FOXK2: variants seen among roughly 807,000 people sequenced by gnomAD.
FOXK2 encodes the protein forkhead box protein K2.
A neutral mutation model predicts 53.3 loss-of-function variants in FOXK2; 24 were observed. The ratio of observed to expected loss-of-function variants is 0.45; its 90% confidence interval spans 0.33 to 0.63. FOXK2 has a LOEUF of 0.63. FOXK2 is among the 30% of genes least tolerant of loss of function. FOXK2 has a pLI of 0.03. For missense variants in FOXK2, 952 were observed against 910.5 expected (o/e 1.05, Z -0.59); for synonymous variants, 505 against 407.1 (o/e 1.24, Z -2.89).
intron 1 of FOXK2, among the ~76,000 whole-genome samples, chr17:82,538,004 G>A (rs147314173): frequency 0.044 from 6,650 of 151,958 alleles, 210 homozygotes; most frequent in South Asian, 0.093. Context: ...CAGGTGGATT[G>A]CTTGAGGTCA....
Position 82,601,774 on chromosome 17 carries a change from A to G in FOXK2, c.*275A>G. On this transcript the variant is annotated 3_prime_UTR_variant, in exon 9 of 9. Coordinates refer to ENST00000335255, the MANE Select transcript of FOXK2 (RefSeq NM_004514.4). The stretch of plus-strand genomic sequence containing the variant: ...ACGAGTGAAACTCTGTCCTCCCGCG[A>G]GGACCAGGCATCGCTGTGTGAGGAC... The G allele has an allele frequency of 2.8e-6, 1 of 353,516 alleles. No homozygotes were observed. Among genetic ancestry groups the G allele is most frequent in the East Asian group, 4.5e-5 (1 of 22,218 alleles). The allele number at this position is 353,516 out of a possible 1,614,324, so 21.9% of individuals were successfully genotyped here. A position where few individuals can be genotyped will look rare whatever the true frequency, so the allele number is the denominator to read the frequency against.
In FOXK2 at chr17:82,586,944, T is replaced by G. The variant is rs561978611; in HGVS notation, c.1577-119T>G. 7.0e-4 allele frequency: 641 copies of G among 914,586 alleles called. 1 individual carries two copies. Among genetic ancestry groups the G allele is most frequent in the Non-Finnish European group, 9.9e-4 (577 of 585,518 alleles). The allele number at this position is 914,586 out of a possible 1,614,324, so 56.7% of individuals were successfully genotyped here. A position where few individuals can be genotyped will look rare whatever the true frequency, so the allele number is the denominator to read the frequency against. ...TGCTCATCTTTTTCTAATTTGCTGT[T>G]TGTTTTAGAGACATTTTCTAGCAGG... On this transcript the variant is annotated intron_variant, in intron 7 of 8. Transcript: ENST00000335255.
chr17:82,581,600 C>T (rs545341025), intron 4 of FOXK2, among the ~76,000 whole-genome samples: 2 of 152,036 alleles, frequency 1.3e-5, no homozygotes, highest in Non-Finnish European at 2.9e-5. Context: ...CTCAGCCTCC[C>T]GAGCAACTGG....
At chr17:82,596,516 C>T (rs1178725049) in intron 8 of FOXK2, among the ~76,000 whole-genome samples, 1 of 152,282 alleles carries the variant, frequency 6.6e-6, no homozygotes, top group Non-Finnish European at 1.5e-5. Context: ...GGACCGCGCA[C>T]ACGTGGGGAC....
chr17:82,522,456 C>T (rs1278822210), intron 1 of FOXK2, among the ~76,000 whole-genome samples: 4 of 151,428 alleles, frequency 2.6e-5, no homozygotes, highest in Non-Finnish European at 5.9e-5. Flanking sequence ...GCAAGCTATG[C>T]CTCCCGGGTT....
At chr17:82,592,371 G>A in intron 8 of FOXK2, among the ~76,000 whole-genome samples, 1 of 152,254 alleles carries the variant, frequency 6.6e-6, no homozygotes, top group East Asian at 1.9e-4. Context: ...GCTCACATGT[G>A]TGTCCTCTTG....
At chr17:82,585,813 T>A in intron 6 of FOXK2, 91 bp from the exon 7 acceptor site, 1 of 1,305,274 alleles carries the variant, frequency 7.7e-7, no homozygotes, top group Non-Finnish European at 1.1e-6. Flanking sequence ...TAAATTAAAG[T>A]TTGTATGTTG....
chr17:82,550,197 A>G (rs1005497052), intron 1 of FOXK2, among the ~76,000 whole-genome samples: 1 of 150,868 alleles, frequency 6.6e-6, no homozygotes, highest in South Asian at 2.1e-4. Context: ...TCTCTAAACA[A>G]ACACACACAC....
chr17:82,548,739 G>A (rs1337510026), intron 1 of FOXK2, among the ~76,000 whole-genome samples: 1 of 152,184 alleles, frequency 6.6e-6, no homozygotes. Flanking sequence ...AAGGACCCAG[G>A]CGCTGTCCCA....
intron 8 of FOXK2, among the ~76,000 whole-genome samples, chr17:82,590,831 T>C (rs572982417): frequency 1.3e-5 from 2 of 152,318 alleles, no homozygotes; most frequent in African/African-American, 4.8e-5. Context: ...AGCATGGGGT[T>C]AGAATGTCCT....
In FOXK2 at chr17:82,578,518, A is replaced by G. The variant is rs1397685200; in HGVS notation, c.910-4223A>G. 8 of 152,324 alleles carry G rather than the reference A, an allele frequency of 5.3e-5. No homozygotes were observed. The East Asian group carries it at 1.5e-3, about 29-fold the overall frequency. 9.4% of individuals were successfully genotyped at this position (152,324 alleles called of 1,614,324 possible). A position where few individuals can be genotyped will look rare whatever the true frequency, so the allele number is the denominator to read the frequency against. ...GTAGCAACAGAATGAAGGAACATCC[A>G]TCCTGGGTTTGATCAAATTACAACA... On this transcript the variant is annotated intron_variant, in intron 4 of 8. Transcript: ENST00000335255.
rs1427300605 is a variant in FOXK2 at position 82,603,558 on chromosome 17, C to T, written c.*2059C>T. 2 of 152,158 alleles carry T rather than the reference C, an allele frequency of 1.3e-5. No individual in the cohort carries two copies. The highest frequency in any genetic ancestry group is 2.9e-5 in the Non-Finnish European group (2 of 68,038). The allele number at this position is 152,158 out of a possible 1,614,324, so 9.4% of individuals were successfully genotyped here. A position where few individuals can be genotyped will look rare whatever the true frequency, so the allele number is the denominator to read the frequency against. On this transcript the variant is annotated 3_prime_UTR_variant, in exon 9 of 9. Transcript: ENST00000335255. ...TTTATGCAGCTGTGTATGTTACTAT[C>T]CAGAAGGAGTCGGGGGTAGACTTTC...
chr17:82,522,708 C>T (rs932398022), intron 1 of FOXK2, among the ~76,000 whole-genome samples: 1 of 151,996 alleles, frequency 6.6e-6, no homozygotes, highest in Non-Finnish European at 1.5e-5. Flanking sequence ...CCTCACCATT[C>T]AGCCAGAACG....
chr17:82,596,511 G>GTGCACA, intron 8 of FOXK2, among the ~76,000 whole-genome samples: 1 of 152,260 alleles, frequency 6.6e-6, no homozygotes, highest in African/African-American at 2.4e-5. Context: ...CCCCGGGACC[G>GTGCACA]CGCACACGTG....
At chr17:82,587,027 G>GTAATAT (rs1266189397) in intron 7 of FOXK2, 36 bp from the exon 8 acceptor site, 1 of 1,591,144 alleles carries the variant, frequency 6.3e-7, no homozygotes. Context: ...TTGCTTTCCA[G>GTAATAT]TAATATTAAT....
chr17:82,598,056 G>T lies in FOXK2; in HGVS notation c.1787-3247G>T, dbSNP rs1313475971. 6.6e-5 allele frequency among the ~76,000 whole-genome samples: 10 copies of T among 150,958 alleles called. No individual in the cohort carries two copies. The East Asian group carries it at 1.9e-3, about 29-fold the overall frequency. Reference sequence around the variant, plus strand: ...AGTGATGTTGAGAAGCATGTGACTCGTGATCGGCACATCCGTCATCTCATT... The same window carrying T: ...AGTGATGTTGAGAAGCATGTGACTCTTGATCGGCACATCCGTCATCTCATT... On this transcript the variant is annotated intron_variant, in intron 8 of 8. Transcript: ENST00000335255.
At chr17:82,583,708 G>A (rs1282607642) in intron 5 of FOXK2, among the ~76,000 whole-genome samples, 1 of 152,080 alleles carries the variant, frequency 6.6e-6, no homozygotes, top group Non-Finnish European at 1.5e-5. Context: ...GGACCTGCTC[G>A]CTGCCGGCTC....
intron 4 of FOXK2, among the ~76,000 whole-genome samples, chr17:82,574,082 G>A (rs918158634): frequency 1.3e-5 from 2 of 152,188 alleles, no homozygotes; most frequent in South Asian, 2.1e-4. Context: ...AGCTCACGTC[G>A]GCAGGGAATG....
At chr17:82,523,045 G>C (rs1465227878) in intron 1 of FOXK2, among the ~76,000 whole-genome samples, 1 of 152,146 alleles carries the variant, frequency 6.6e-6, no homozygotes, top group Non-Finnish European at 1.5e-5. Flanking sequence ...CACCCGCCTT[G>C]GCCTCCCAAA....
Sources: gnomAD v4.1 joint callset for allele counts (sites outside exome capture counted in the v4.1 genomes callset) on GRCh38, gnomAD v4.1.1 for gene constraint, MANE v1.5 for transcripts, NCBI Gene and HGNC (gene_info 2026-07-23, HGNC 2026-07-21) for gene names.